Variants in FTCDNL1 observed in about 807,000 individuals in gnomAD.
FTCDNL1 encodes formiminotransferase N-terminal subdomain-containing protein.
Under a neutral mutation model 5.9 loss-of-function variants are expected in FTCDNL1, and 11 were observed. That is an observed-to-expected ratio of 1.87 (90% CI 1.18 to 3.10). The LOEUF (loss-of-function observed/expected upper bound fraction) is 3.10. Ranked by LOEUF, FTCDNL1 falls within the 30% of genes most tolerant of loss-of-function variation. The pLI is 0.00. For missense variants in FTCDNL1, 115 were observed against 65.5 expected, an observed-to-expected ratio of 1.76 and a Z score of -2.61; for synonymous variants, 58 against 24.8, an observed-to-expected ratio of 2.34 and a Z score of -3.99.
At chr2:199,738,617 C>T in the FTCDNL1 span, among the ~76,000 whole-genome samples, 1 of 152,060 alleles carries the variant, frequency 6.6e-6, no homozygotes, top group South Asian at 2.1e-4. Flanking sequence ...GATTGTGATA[C>T]ACAATTCAAG....
At chr2:199,707,601 G>A in the FTCDNL1 span, among the ~76,000 whole-genome samples, 79,754 of 151,172 alleles carry the variant, frequency 0.53, 23,277 homozygotes, top group South Asian at 0.7. Flanking sequence ...ATTTGGTAAA[G>A]TTTTCTTTCC....
Position 199,811,127 on chromosome 2 carries a change from A to C in FTCDNL1, c.*1578T>G, listed in dbSNP as rs1574583802. 6.6e-6 allele frequency among the ~76,000 whole-genome samples: 1 copy of C among 152,350 alleles called. No homozygotes were observed. The highest frequency in any genetic ancestry group is 1.9e-4 in the East Asian group (1 of 5,188). On this transcript the variant is annotated 3_prime_UTR_variant, in exon 5 of 5. Transcript: ENST00000420128. ...ATGAATCAGATTACAGTATTTCCCCATAATGCTGATTTCATAAAAATTAAA... is the reference window on the plus strand; with the variant it reads ...ATGAATCAGATTACAGTATTTCCCCCTAATGCTGATTTCATAAAAATTAAA...
the FTCDNL1 span, among the ~76,000 whole-genome samples, chr2:199,691,239 C>G: frequency 6.6e-6 from 1 of 152,184 alleles, no homozygotes; most frequent in Non-Finnish European, 1.5e-5. Flanking sequence ...ATGGCACGAT[C>G]TTGGCTCACT....
At chr2:199,758,860 A>G (rs2106237642), downstream of FTCDNL1, among the ~76,000 whole-genome samples, 1 of 152,312 alleles carries the variant, frequency 6.6e-6, no homozygotes. Flanking sequence ...GCACTGTGTC[A>G]AAACATTGTT....
intron 2 of FTCDNL1, among the ~76,000 whole-genome samples, chr2:199,846,394 A>G (rs2076733919): frequency 6.6e-6 from 1 of 152,200 alleles, no homozygotes; most frequent in Admixed American, 6.5e-5. Context: ...CAAGCTTTTG[A>G]TGTCTATAAG....
intron 3 of FTCDNL1, among the ~76,000 whole-genome samples, chr2:199,838,271 G>C (rs1253514147): frequency 6.6e-6 from 1 of 152,142 alleles, no homozygotes; most frequent in African/African-American, 2.4e-5. Flanking sequence ...GACAAAAGAA[G>C]AATGCTCCTG....
chr2:199,776,897 A>G (rs1386645706), intron 3 of FTCDNL1, among the ~76,000 whole-genome samples: 1 of 150,240 alleles, frequency 6.7e-6, no homozygotes, highest in African/African-American at 2.4e-5. Flanking sequence ...ACACATATAC[A>G]TGTGTAATAT....
intron 3 of FTCDNL1, among the ~76,000 whole-genome samples, chr2:199,836,364 G>A (rs1447401947): frequency 2.6e-5 from 4 of 152,024 alleles, no homozygotes; most frequent in South Asian, 4.2e-4. Flanking sequence ...TAGAGACGAG[G>A]TCTCCCTATG....
downstream of FTCDNL1, among the ~76,000 whole-genome samples, chr2:199,759,052 C>T (rs1030084369): frequency 3.9e-5 from 6 of 151,930 alleles, no homozygotes; most frequent in African/African-American, 1.5e-4. Context: ...AAAACAAAGC[C>T]ATACATTTCT....
At chr2:199,680,209 C>A in the FTCDNL1 span, among the ~76,000 whole-genome samples, 1 of 152,046 alleles carries the variant, frequency 6.6e-6, no homozygotes, top group South Asian at 2.1e-4. Flanking sequence ...ATGAAAATGA[C>A]CAGGAGATTG....
At chr2:199,754,852 C>T in the FTCDNL1 span, among the ~76,000 whole-genome samples, 4 of 152,208 alleles carry the variant, frequency 2.6e-5, no homozygotes, top group African/African-American at 7.2e-5. Flanking sequence ...AAAACACACA[C>T]ATAATTTTAA....
intron 3 of FTCDNL1, among the ~76,000 whole-genome samples, chr2:199,821,293 G>A (rs2106515213): frequency 6.6e-6 from 1 of 151,250 alleles, no homozygotes; most frequent in South Asian, 2.1e-4. Flanking sequence ...TGGATTACAG[G>A]CACGTGCCAC....
intron 1 of FTCDNL1, among the ~76,000 whole-genome samples, chr2:199,850,221 A>G (rs2076839142): frequency 6.6e-6 from 1 of 152,210 alleles, no homozygotes; most frequent in Admixed American, 6.5e-5. Context: ...CTAGATATTA[A>G]TAACATTGTT....
chr2:199,727,041 AC>A, the FTCDNL1 span, among the ~76,000 whole-genome samples: 1 of 151,742 alleles, frequency 6.6e-6, no homozygotes, highest in Non-Finnish European at 1.5e-5. Flanking sequence ...AACCATGGCC[AC>A]CCCTCCCCAC....
At chr2:199,698,806 C>T in the FTCDNL1 span, among the ~76,000 whole-genome samples, 1 of 151,778 alleles carries the variant, frequency 6.6e-6, no homozygotes, top group Non-Finnish European at 1.5e-5. Flanking sequence ...CAAGAAAAAC[C>T]CATACAAAAG....
the FTCDNL1 span, among the ~76,000 whole-genome samples, chr2:199,689,442 T>TGG: frequency 6.6e-6 from 1 of 152,162 alleles, no homozygotes; most frequent in Non-Finnish European, 1.5e-5. Flanking sequence ...CCATGGGTCT[T>TGG]ATCACCCAAC....
At chr2:199,704,832 C>T in the FTCDNL1 span, among the ~76,000 whole-genome samples, 33 of 152,190 alleles carry the variant, frequency 2.2e-4, no homozygotes, top group Admixed American at 1.3e-3. Flanking sequence ...TGTAAACCAC[C>T]CCAAATTGTA....
At chr2:199,803,045 T>A (rs1700537098) in intron 3 of FTCDNL1, among the ~76,000 whole-genome samples, 1 of 151,100 alleles carries the variant, frequency 6.6e-6, no homozygotes, top group Non-Finnish European at 1.5e-5. Flanking sequence ...AATAAAAAAA[T>A]TAGCCAGCTG....
chr2:199,766,917 A>G (rs1698565568), intron 3 of FTCDNL1, among the ~76,000 whole-genome samples: 1 of 152,194 alleles, frequency 6.6e-6, no homozygotes, highest in Non-Finnish European at 1.5e-5. Context: ...ACATACAAAA[A>G]GGCCTTAAAA....
Sources: allele counts gnomAD v4.1 joint callset (sites outside exome capture counted in the v4.1 genomes callset), GRCh38; gene constraint gnomAD v4.1.1; transcripts MANE v1.5; gene names NCBI Gene and HGNC (gene_info 2026-07-23, HGNC 2026-07-21).